Variants in LRP2BP observed in about 807,000 individuals in gnomAD.
The protein encoded by LRP2BP is LRP2-binding protein.
A neutral mutation model predicts 45.2 loss-of-function variants in LRP2BP; 38 were observed. That is an observed-to-expected ratio of 0.84 (90% CI 0.65 to 1.10). LRP2BP has a LOEUF of 1.10. LRP2BP is among the 50% of genes least tolerant of loss of function. The pLI is 0.00. For synonymous variants in LRP2BP, 153 were observed against 153.9 expected (o/e 0.99, Z 0.04); for missense variants, 385 against 418.9 (o/e 0.92, Z 0.71).
rs1482842095 is a variant in LRP2BP at position 185,374,213 on chromosome 4, TC to T, written c.500del (p.Gly167GlufsTer7). On this transcript the variant is annotated frameshift_variant, in exon 6 of 9. Transcript: ENST00000505916. LOFTEE classifies it high-confidence loss of function. ...GAGCCTTCACACTAGCTTTGGGATT[TC>T]CATTGTCTGCTGCGATAAGCCACAG... ...ERLWLIAADN[G>X]NPKASVKAQS... 6.2e-7 allele frequency: 1 copy of T among 1,614,068 alleles called. No individual in the cohort carries two copies. The highest frequency in any genetic ancestry group is 8.5e-7 in the Non-Finnish European group (1 of 1,180,042).
At chr4:185,379,713 A>G (rs1480869326) in intron 1 of LRP2BP, among the ~76,000 whole-genome samples, 1 of 152,202 alleles carries the variant, frequency 6.6e-6, no homozygotes, top group Non-Finnish European at 1.5e-5. Flanking sequence ...GTATGGGGAA[A>G]CCAAGGGACA....
chr4:185,395,559 AAAT>A lies in LRP2BP; in HGVS notation c.-805_-803del, dbSNP rs2095499777. The A allele has an allele frequency of 3.3e-6, 3 of 916,406 alleles. No individual in the cohort carries two copies. Among genetic ancestry groups the A allele is most frequent in the Non-Finnish European group, 3.9e-6 (3 of 772,370 alleles). 56.8% of individuals were successfully genotyped at this position (916,406 alleles called of 1,614,324 possible). A position where few individuals can be genotyped will look rare whatever the true frequency, so the allele number is the denominator to read the frequency against. On this transcript the variant is annotated 5_prime_UTR_variant, in exon 1 of 9. Coordinates refer to ENST00000505916, the MANE Select transcript of LRP2BP (RefSeq NM_001377440.1). ...CATTAAAAGATATTGTGAATAGTTT[AAAT>A]ATTAAAAATGTGGAATATAAGAACG... is the stretch of plus-strand genomic sequence containing the variant.
At chr4:185,387,928 TCTAA>T (rs770073350) in intron 1 of LRP2BP, among the ~76,000 whole-genome samples, 3 of 152,152 alleles carry the variant, frequency 2.0e-5, no homozygotes, top group African/African-American at 4.8e-5. Flanking sequence ...TTCCTCCCTC[TCTAA>T]CTCCTTTTCC....
intron 7 of LRP2BP, among the ~76,000 whole-genome samples, chr4:185,371,799 G>T (rs185542240): frequency 3.9e-5 from 6 of 152,136 alleles, no homozygotes; most frequent in Non-Finnish European, 7.4e-5. Context: ...CCTGGAGCCC[G>T]AGACGCTGGG....
At chr4:185,396,779 C>T, upstream of LRP2BP, 1 of 846,512 alleles carries the variant, frequency 1.2e-6, no homozygotes, top group Non-Finnish European at 1.9e-6. Context: ...TGGGGCGCGG[C>T]TGCCAAGGGC....
At chr4:185,374,613 G>T in intron 4 of LRP2BP, 152 bp from the exon 5 acceptor site, 1 of 773,784 alleles carries the variant, frequency 1.3e-6, no homozygotes, top group East Asian at 2.7e-5. Context: ...CCTGGATTCT[G>T]CAGGGCAAGC....
intron 1 of LRP2BP, among the ~76,000 whole-genome samples, chr4:185,380,509 CTG>C (rs1561087494): frequency 6.6e-6 from 1 of 152,186 alleles, no homozygotes; most frequent in Non-Finnish European, 1.5e-5. Flanking sequence ...ACCTCTGCCT[CTG>C]TGTTTACATG....
chr4:185,371,283 T>G (rs546055975), intron 7 of LRP2BP, among the ~76,000 whole-genome samples: 21 of 152,250 alleles, frequency 1.4e-4, no homozygotes, highest in African/African-American at 4.6e-4. Context: ...CTCACGCCTG[T>G]AATCCCAGCA....
intron 8 of LRP2BP, among the ~76,000 whole-genome samples, chr4:185,367,835 T>C (rs1404522199): frequency 6.6e-6 from 1 of 152,160 alleles, no homozygotes; most frequent in Non-Finnish European, 1.5e-5. Context: ...AGTTTTCACC[T>C]TCAGAGAAAA....
In LRP2BP at chr4:185,384,878, C is replaced by T. The variant is rs140173407; in HGVS notation, c.-21-6671G>A. The stretch of plus-strand genomic sequence containing the variant: ...CAGTAGCTTTCTGTTCTTCCCACTC[C>T]GCCCTGCATCCCCCTCCCCGCCCCC... On this transcript the variant is annotated intron_variant, in intron 1 of 8. Coordinates refer to ENST00000505916, the MANE Select transcript of LRP2BP (RefSeq NM_001377440.1). 6.5e-3 allele frequency among the ~76,000 whole-genome samples: 989 copies of T among 151,842 alleles called. 12 individuals are homozygous for T. Among genetic ancestry groups the T allele is most frequent in the African/African-American group, 0.023 (931 of 41,272 alleles).
Position 185,395,498 on chromosome 4 carries a change from GACA to G in LRP2BP, c.-744_-742del. The G allele has an allele frequency of 1.0e-6, 1 of 985,164 alleles. No individual in the cohort carries two copies. Among genetic ancestry groups the G allele is most frequent in the African/African-American group, 1.7e-5 (1 of 57,338 alleles). The allele number at this position is 985,164 out of a possible 1,614,324, so 61.0% of individuals were successfully genotyped here. On this transcript the variant is annotated 5_prime_UTR_variant, in exon 1 of 9. Coordinates refer to ENST00000505916, the MANE Select transcript of LRP2BP (RefSeq NM_001377440.1). ...CAACGTGTGCTCACCTCACAAATCT[GACA>G]ACAGTATCTCTACACTGCCGTTCTT...
rs2095385450 is a variant in LRP2BP, at chr4:185,365,693, T to TAA, written c.*1485_*1486dup. ...AGACTCCGTCTCAAAAAAAAAAAAATAATAATAATAATAATAATAATAATC... is the reference window on the plus strand; with the variant it reads ...AGACTCCGTCTCAAAAAAAAAAAAATAAAATAATAATAATAATAATAATAATC... On this transcript the variant is annotated 3_prime_UTR_variant, in exon 9 of 9. Coordinates refer to ENST00000505916, the MANE Select transcript of LRP2BP (RefSeq NM_001377440.1). The TAA allele has an allele frequency of 7.8e-6, 1 of 128,212 alleles. No individual in the cohort carries two copies. Among genetic ancestry groups the TAA allele is most frequent in the African/African-American group, 3.2e-5 (1 of 31,156 alleles). 7.9% of individuals were successfully genotyped at this position (128,212 alleles called of 1,614,324 possible).
chr4:185,396,485 C>T, upstream of LRP2BP: 1 of 166,384 alleles, frequency 6.0e-6, no homozygotes, highest in Non-Finnish European at 1.3e-5. Context: ...CGCCTCATGG[C>T]GGCCGCGGAG....
chr4:185,377,035 A>T lies in LRP2BP; in HGVS notation c.107-17T>A. On this transcript the variant is annotated splice_polypyrimidine_tract_variant and intron_variant, in intron 2 of 8. Transcript: ENST00000505916. ...GGGTGTAATCTGATTTTAAAAAGGT[A>T]AGGAATTCCATCAACCACACAATAT... The T allele has an allele frequency of 4.6e-6, 7 of 1,515,610 alleles. No homozygotes were observed. The highest frequency in any genetic ancestry group is 6.4e-6 in the Non-Finnish European group (7 of 1,090,216). The allele number at this position is 1,515,610 out of a possible 1,614,324, so 93.9% of individuals were successfully genotyped here. A position where few individuals can be genotyped will look rare whatever the true frequency, so the allele number is the denominator to read the frequency against.
rs1378849815 is a variant in LRP2BP, at chr4:185,395,375, T to TA, written c.-619_-618insT. On this transcript the variant is annotated 5_prime_UTR_variant, in exon 1 of 9. Coordinates refer to ENST00000505916, the MANE Select transcript of LRP2BP (RefSeq NM_001377440.1). ...TCTGATACCCTTTATTAGTTAGGAA[T>TA]TCCTGAAAATGAACTTCTGTGCAAA... The TA allele has an allele frequency of 2.5e-5, 25 of 985,462 alleles. No individual in the cohort carries two copies. The African/African-American group carries it at 4.2e-4, about 16-fold the overall frequency. 61.0% of individuals were successfully genotyped at this position (985,462 alleles called of 1,614,324 possible).
chr4:185,395,815 T>C lies in LRP2BP; in HGVS notation c.-1058A>G, dbSNP rs2095500685. The C allele has an allele frequency of 2.8e-5, 28 of 985,414 alleles. No homozygotes were observed. Among genetic ancestry groups the C allele is most frequent in the Non-Finnish European group, 3.4e-5 (28 of 829,922 alleles). 61.0% of individuals were successfully genotyped at this position (985,414 alleles called of 1,614,324 possible). On this transcript the variant is annotated 5_prime_UTR_variant, in exon 1 of 9. Coordinates refer to ENST00000505916, the MANE Select transcript of LRP2BP (RefSeq NM_001377440.1). ...TAAACGTATTTATTTCTCCGAGCTT[T>C]CAAAGGCATCAACAGAAGGGAATCA...
At chr4:185,368,927 G>A (rs948167960) in intron 8 of LRP2BP, among the ~76,000 whole-genome samples, 1 of 151,624 alleles carries the variant, frequency 6.6e-6, no homozygotes, top group African/African-American at 2.4e-5. Context: ...CCGAGTAGCT[G>A]GGACTATGGA....
chr4:185,388,927 G>A (rs1459924865), intron 1 of LRP2BP, among the ~76,000 whole-genome samples: 1 of 152,054 alleles, frequency 6.6e-6, no homozygotes, highest in East Asian at 1.9e-4. Flanking sequence ...CCAGGCTGGA[G>A]TACAGTGGTG....
At position 185,376,980 on chromosome 4, in the gene LRP2BP, G is replaced by A. The variant is rs2095440244; in HGVS notation, c.145C>T (p.Leu49Phe). 6.2e-7 allele frequency: 1 copy of A among 1,613,898 alleles called. No individual in the cohort carries two copies. Among genetic ancestry groups the A allele is most frequent in the Non-Finnish European group, 8.5e-7 (1 of 1,179,804 alleles). The change falls in exon 3 of 9, where the codon CTC becomes TTC. Residue 49 changes from leucine (L) to phenylalanine (F), a missense_variant. Physicochemically the swap from Leu to Phe is conservative, Grantham distance 22. Coordinates refer to ENST00000505916, the MANE Select transcript of LRP2BP (RefSeq NM_001377440.1). The part of the protein sequence containing the change: ...HANLVDKALQ[L>F]LKERILKGDT... ...CCTTTCAGTATTCTTTCCTTCAAGA[G>A]CTGCAATGCCTTATCCACCAAATTA...
Sources: allele counts gnomAD v4.1 joint callset (sites outside exome capture counted in the v4.1 genomes callset), GRCh38; gene constraint gnomAD v4.1.1; transcripts MANE v1.5; gene names NCBI Gene and HGNC (gene_info 2026-07-23, HGNC 2026-07-21).